The following SLC35F3 variants were observed in gnomAD, a reference collection of about 807,000 sequenced individuals.
SLC35F3 encodes putative thiamine transporter SLC35F3.
A neutral mutation model predicts 49.9 loss-of-function variants in SLC35F3; 25 were observed. The observed-to-expected ratio is 0.50, with a 90% CI of 0.37 to 0.70. The LOEUF (loss-of-function observed/expected upper bound fraction) is 0.70, where lower values mean the gene tolerates loss of function less well. Among genes scored for constraint, SLC35F3 ranks in the 30% least tolerant of loss-of-function variants. The pLI is 0.00. For synonymous variants in SLC35F3, 275 were observed against 265.4 expected (o/e 1.04, Z -0.35); for missense variants, 525 against 639.8 (o/e 0.82, Z 1.94).
At chr1:234,026,139 T>A (rs1663974908) in intron 2 of SLC35F3, among the ~76,000 whole-genome samples, 1 of 152,156 alleles carries the variant, frequency 6.6e-6, no homozygotes, top group Non-Finnish European at 1.5e-5. Context: ...GGCTCTCTAT[T>A]CTGCAATTGG....
intron 2 of SLC35F3, among the ~76,000 whole-genome samples, chr1:234,160,985 C>G (rs1479502990): frequency 6.6e-6 from 1 of 152,206 alleles, no homozygotes; most frequent in Non-Finnish European, 1.5e-5. Flanking sequence ...TCCTCCATCT[C>G]TCTTGGATCC....
At chr1:234,163,990 AT>A (rs532857804) in intron 2 of SLC35F3, among the ~76,000 whole-genome samples, 20 of 147,412 alleles carry the variant, frequency 1.4e-4, no homozygotes, top group African/African-American at 4.1e-4. Flanking sequence ...GAAGAAAAAA[AT>A]ATCTCCTTCC....
chr1:234,040,313 A>G (rs1664201116), intron 2 of SLC35F3, among the ~76,000 whole-genome samples: 1 of 152,172 alleles, frequency 6.6e-6, no homozygotes, highest in South Asian at 2.1e-4. Context: ...CTTTATAGGC[A>G]CAGAATGGGG....
At chr1:234,142,269 C>T (rs931107175) in intron 2 of SLC35F3, among the ~76,000 whole-genome samples, 8 of 151,804 alleles carry the variant, frequency 5.3e-5, no homozygotes, top group African/African-American at 1.5e-4. Flanking sequence ...ATAAAGCTTA[C>T]GAAAAAAAAG....
intron 2 of SLC35F3, among the ~76,000 whole-genome samples, chr1:234,051,387 T>C (rs989128961): frequency 3.9e-5 from 6 of 152,234 alleles, no homozygotes; most frequent in Admixed American, 3.9e-4. Context: ...AGGTATTTTA[T>C]TCTCTTTGGA....
chr1:234,308,445 G>A (rs1657260092), intron 3 of SLC35F3, among the ~76,000 whole-genome samples: 1 of 151,974 alleles, frequency 6.6e-6, no homozygotes, highest in South Asian at 2.1e-4. Flanking sequence ...AAAACATTAT[G>A]AGATTTTTTT....
intron 2 of SLC35F3, among the ~76,000 whole-genome samples, chr1:233,952,473 C>G (rs913789178): frequency 6.6e-6 from 1 of 152,222 alleles, no homozygotes; most frequent in South Asian, 2.1e-4. Context: ...TTATTTCTCC[C>G]CATCCATTGA....
At chr1:233,927,917 A>T (rs529192006) in intron 2 of SLC35F3, among the ~76,000 whole-genome samples, 1 of 152,212 alleles carries the variant, frequency 6.6e-6, no homozygotes, top group East Asian at 1.9e-4. Context: ...ATTTTAAAGT[A>T]TTAATATTTA....
chr1:234,134,920 C>T (rs961560178), intron 2 of SLC35F3, among the ~76,000 whole-genome samples: 3 of 152,074 alleles, frequency 2.0e-5, no homozygotes, highest in Admixed American at 2.0e-4. Context: ...CGGGGTTTAG[C>T]TTGTTGGCCA....
intron 2 of SLC35F3, among the ~76,000 whole-genome samples, chr1:233,981,061 T>C (rs1185984288): frequency 6.6e-6 from 1 of 152,214 alleles, no homozygotes; most frequent in Non-Finnish European, 1.5e-5. Flanking sequence ...GATGGAAAGA[T>C]ACAGAAAGAA....
intron 3 of SLC35F3, among the ~76,000 whole-genome samples, chr1:234,303,095 C>T (rs1668719097): frequency 6.6e-6 from 1 of 152,094 alleles, no homozygotes; most frequent in Non-Finnish European, 1.5e-5. Flanking sequence ...CTATCTCACC[C>T]TACCCTTTCT....
At chr1:234,240,410 G>A (rs147698778) in intron 3 of SLC35F3, among the ~76,000 whole-genome samples, 5,196 of 151,792 alleles carry the variant, frequency 0.034, 172 homozygotes, top group South Asian at 0.17. Context: ...TTCAAGACCA[G>A]CCTGGCCAAC....
At chr1:234,174,051 A>G (rs187809360) in intron 2 of SLC35F3, among the ~76,000 whole-genome samples, 109 of 152,330 alleles carry the variant, frequency 7.2e-4, no homozygotes, top group Non-Finnish European at 9.8e-4. Context: ...ACTCTGGTGC[A>G]TCCTGATACA....
chr1:234,005,796 A>G (rs1345643273), intron 2 of SLC35F3, among the ~76,000 whole-genome samples: 3 of 152,224 alleles, frequency 2.0e-5, no homozygotes. Context: ...AGATTGAGAC[A>G]GAGGTCACTA....
intron 2 of SLC35F3, among the ~76,000 whole-genome samples, chr1:233,941,318 A>G (rs867957848): frequency 6.6e-4 from 100 of 152,228 alleles, no homozygotes; most frequent in African/African-American, 2.2e-3. Context: ...TTTTACTGGA[A>G]TAAGTGTACA....
intron 2 of SLC35F3, among the ~76,000 whole-genome samples, chr1:233,935,186 G>T (rs1165831122): frequency 4.2e-4 from 16 of 37,958 alleles, no homozygotes; most frequent in Non-Finnish European, 6.6e-4. Context: ...GGTTTTCCTT[G>T]CCCTTTTTTT....
chr1:233,993,638 A>G (rs1274440215), intron 2 of SLC35F3, among the ~76,000 whole-genome samples: 1 of 152,182 alleles, frequency 6.6e-6, no homozygotes, highest in Non-Finnish European at 1.5e-5. Flanking sequence ...TAAACGATGC[A>G]TCTAAGATCA....
intron 2 of SLC35F3, among the ~76,000 whole-genome samples, chr1:234,216,674 A>G (rs1667127438): frequency 6.6e-6 from 1 of 152,238 alleles, no homozygotes; most frequent in Admixed American, 6.5e-5. Flanking sequence ...GAACTAAGAA[A>G]TGGTGAGATT....
At chr1:234,220,357 G>A (rs568652493) in intron 2 of SLC35F3, among the ~76,000 whole-genome samples, 28 of 152,158 alleles carry the variant, frequency 1.8e-4, no homozygotes, top group East Asian at 1.5e-3. Context: ...AAGGTATAGC[G>A]AAAAATTTTT....
Sources: allele counts gnomAD v4.1 joint callset (sites outside exome capture counted in the v4.1 genomes callset), GRCh38; gene constraint gnomAD v4.1.1; transcripts MANE v1.5; gene names NCBI Gene and HGNC (gene_info 2026-07-23, HGNC 2026-07-21).